Variants in IL1RAPL1 observed in about 807,000 individuals in gnomAD.
IL1RAPL1 encodes the protein interleukin-1 receptor accessory protein-like 1.
A neutral mutation model predicts 48.4 loss-of-function variants in IL1RAPL1; 3 were observed. That is an observed-to-expected ratio of 0.06 (90% CI 0.03 to 0.16). IL1RAPL1 has a LOEUF of 0.16. IL1RAPL1 is among the 10% of genes least tolerant of loss of function. The pLI is 1.00. For missense variants in IL1RAPL1, 349 were observed against 530.6 expected (o/e 0.66, Z 3.36); for synonymous variants, 185 against 187.7 (o/e 0.99, Z 0.12).
At chrX:29,689,646 A>G (rs186978434) in intron 6 of IL1RAPL1, among the ~76,000 whole-genome samples, 1 of 112,186 alleles carries the variant, frequency 8.9e-6, no homozygotes, top group Admixed American at 9.5e-5. Context: ...ATTAATAGAA[A>G]GACATTGCTG....
In IL1RAPL1 at chrX:29,061,539, A is replaced by C. The variant is rs552339330; in HGVS notation, c.83-221399A>C. ...AGTGGCACGATCTCAGCTCACTGCA[A>C]CCTCCACCTCCTAGGTTCAAGTGTT... On this transcript the variant is annotated intron_variant, in intron 2 of 10. Coordinates refer to ENST00000378993, the MANE Select transcript of IL1RAPL1 (RefSeq NM_014271.4). 1.3e-4 allele frequency among the ~76,000 whole-genome samples: 15 copies of C among 111,470 alleles called. No individual in the cohort carries two copies. In the South Asian group the frequency reaches 5.6e-3, roughly 42 times the overall value.
intron 1 of IL1RAPL1, among the ~76,000 whole-genome samples, chrX:28,706,431 T>G (rs1388379398): frequency 9.0e-6 from 1 of 110,800 alleles, no homozygotes. Context: ...TTTTTTTTTT[T>G]TGAGACAGTC....
chrX:28,853,173 A>G (rs1402402974), intron 2 of IL1RAPL1, among the ~76,000 whole-genome samples: 1 of 111,873 alleles, frequency 8.9e-6, no homozygotes, highest in Middle Eastern at 4.2e-3. Flanking sequence ...AAACAAAATT[A>G]TGAATGCAGA....
chrX:29,612,355 A>G (rs1330894204), intron 5 of IL1RAPL1, among the ~76,000 whole-genome samples: 1 of 110,411 alleles, frequency 9.1e-6, no homozygotes, highest in Non-Finnish European at 1.9e-5. Flanking sequence ...ATACAAGTTC[A>G]GAGGATCTAC....
intron 2 of IL1RAPL1, among the ~76,000 whole-genome samples, chrX:28,911,426 G>T (rs971771655): frequency 2.7e-5 from 3 of 110,810 alleles, no homozygotes. Flanking sequence ...AGGAGGGGCG[G>T]TGTGTCCTAC....
chrX:29,497,601 A>G (rs1277985137), intron 5 of IL1RAPL1, among the ~76,000 whole-genome samples: 2 of 110,916 alleles, frequency 1.8e-5, no homozygotes, highest in Admixed American at 9.6e-5. Context: ...ATTCATTTTC[A>G]GTGTCATTCA....
intron 2 of IL1RAPL1, among the ~76,000 whole-genome samples, chrX:28,997,052 G>A (rs892038806): frequency 5.4e-5 from 6 of 111,112 alleles, no homozygotes; most frequent in Admixed American, 4.8e-4. Flanking sequence ...GACTTACCCA[G>A]TGCGCAGATA....
At chrX:29,240,224 A>ATATATAT (rs1370970751) in intron 2 of IL1RAPL1, among the ~76,000 whole-genome samples, 2 of 13,346 alleles carry the variant, frequency 1.5e-4, no homozygotes, top group African/African-American at 8.1e-4. Flanking sequence ...ATATATATAT[A>ATATATAT]TTTTTTTTTT....
chrX:28,933,989 A>T lies in IL1RAPL1; in HGVS notation c.82+144564A>T, dbSNP rs569545328. On this transcript the variant is annotated intron_variant, in intron 2 of 10. Transcript: ENST00000378993. Reference sequence around the variant, plus strand: ...GTGAGGACGACCAGAAGTCATTTTCATTGCCATCTTCGGTTTGGTGGGTGT... The same window carrying T: ...GTGAGGACGACCAGAAGTCATTTTCTTTGCCATCTTCGGTTTGGTGGGTGT... Among the ~76,000 whole-genome samples, 79 of 111,316 alleles carry T rather than the reference A, an allele frequency of 7.1e-4. 1 individual carries two copies. Among genetic ancestry groups the T allele is most frequent in the Non-Finnish European group, 8.7e-4 (46 of 53,056 alleles).
At chrX:29,172,998 C>G (rs1369109943) in intron 2 of IL1RAPL1, among the ~76,000 whole-genome samples, 1 of 111,464 alleles carries the variant, frequency 9.0e-6, no homozygotes, top group Non-Finnish European at 1.9e-5. Flanking sequence ...AGGTCTTGGA[C>G]TTGCTGCTAA....
At chrX:28,673,665 T>C (rs1358501516) in intron 1 of IL1RAPL1, among the ~76,000 whole-genome samples, 2 of 110,891 alleles carry the variant, frequency 1.8e-5, no homozygotes, top group African/African-American at 6.6e-5. Flanking sequence ...GGGGAAAACA[T>C]GGAGTGGGAT....
chrX:28,653,913 A>G (rs960784383), intron 1 of IL1RAPL1, among the ~76,000 whole-genome samples: 1 of 111,899 alleles, frequency 8.9e-6, no homozygotes, highest in African/African-American at 3.3e-5. Flanking sequence ...TCATTTGATT[A>G]TGTATAGACC....
chrX:28,872,861 A>G (rs1001710862), intron 2 of IL1RAPL1, among the ~76,000 whole-genome samples: 55 of 112,135 alleles, frequency 4.9e-4, no homozygotes, highest in African/African-American at 1.6e-3. Flanking sequence ...GTACAGTGGA[A>G]CTATAGTATT....
At chrX:29,943,130 C>T (rs994784306) in intron 9 of IL1RAPL1, among the ~76,000 whole-genome samples, 2 of 111,720 alleles carry the variant, frequency 1.8e-5, no homozygotes, top group Admixed American at 9.5e-5. Flanking sequence ...TTCTCTCCTT[C>T]CCATTAGGGT....
At chrX:29,242,998 G>A (rs1012589202) in intron 2 of IL1RAPL1, among the ~76,000 whole-genome samples, 1 of 111,800 alleles carries the variant, frequency 8.9e-6, no homozygotes, top group African/African-American at 3.3e-5. Flanking sequence ...CCAGCTGGGA[G>A]GCTTATTGCT....
intron 6 of IL1RAPL1, among the ~76,000 whole-genome samples, chrX:29,717,203 TACACACACACACAC>T (rs61417683): frequency 1.0e-5 from 1 of 95,526 alleles, no homozygotes; most frequent in Admixed American, 1.2e-4. Flanking sequence ...AGAGCCAGAT[TACACACACACACAC>T]ACACACACAC....
intron 1 of IL1RAPL1, among the ~76,000 whole-genome samples, chrX:28,749,405 C>G (rs931073664): frequency 8.9e-6 from 1 of 111,862 alleles, no homozygotes; most frequent in Non-Finnish European, 1.9e-5. Context: ...TCCCTTTTCT[C>G]CAAATGCTCA....
chrX:29,405,039 G>A (rs1447537468), intron 5 of IL1RAPL1, among the ~76,000 whole-genome samples: 1 of 108,853 alleles, frequency 9.2e-6, no homozygotes, highest in Non-Finnish European at 1.9e-5. Flanking sequence ...TCACCCTCCC[G>A]AGTAGCTGGA....
intron 2 of IL1RAPL1, among the ~76,000 whole-genome samples, chrX:29,188,097 C>T (rs773815667): frequency 1.8e-5 from 2 of 111,758 alleles, no homozygotes; most frequent in Non-Finnish European, 3.8e-5. Context: ...GAATAGCTTG[C>T]TTCCCCAGGA....
Sources: allele counts gnomAD v4.1 joint callset (sites outside exome capture counted in the v4.1 genomes callset), GRCh38; gene constraint gnomAD v4.1.1; transcripts MANE v1.5; gene names NCBI Gene and HGNC (gene_info 2026-07-23, HGNC 2026-07-21).